Variants in TRAF2 observed in about 807,000 individuals in gnomAD.
TRAF2 encodes the protein TNF receptor associated factor 2.
Under a neutral mutation model 55.6 loss-of-function variants are expected in TRAF2, and 6 were observed. The observed-to-expected ratio is 0.11, with a 90% CI of 0.06 to 0.21. TRAF2 has a LOEUF of 0.21. Among genes scored for constraint, TRAF2 ranks in the 10% least tolerant of loss-of-function variants. The pLI, the probability that TRAF2 is intolerant of heterozygous loss-of-function variation, is 1.00. For missense variants in TRAF2, 561 were observed against 684.5 expected (o/e 0.82, Z 2.01); for synonymous variants, 329 against 276.3 (o/e 1.19, Z -1.89).
chr9:136,909,907 CCTT>C lies in TRAF2; in HGVS notation c.529-9_529-7del, dbSNP rs753965418. On this transcript the variant is annotated splice_polypyrimidine_tract_variant and intron_variant, in intron 5 of 10. Transcript: ENST00000247668. ...GGCGTCCACCCTCACACTCCTGATC[CCTT>C]CTTTTGAAGGCGCACCACGAGGTCT... 24 of 1,614,118 alleles carry C rather than the reference CCTT, an allele frequency of 1.5e-5. No homozygotes were observed. The East Asian group carries it at 4.5e-4, about 30-fold the overall frequency.
chr9:136,882,224 CAT>C (rs1849383172), upstream of TRAF2, among the ~76,000 whole-genome samples: 2 of 152,218 alleles, frequency 1.3e-5, no homozygotes, highest in African/African-American at 2.4e-5. Flanking sequence ...GGAAGCCAAG[CAT>C]CCACAGAGCC....
chr9:136,916,567 C>T lies in TRAF2; in HGVS notation c.630C>T (p.Gly210=), dbSNP rs1850246736. The T allele has an allele frequency of 1.9e-6, 3 of 1,613,958 alleles. No individual in the cohort carries two copies. Among genetic ancestry groups the T allele is most frequent in the South Asian group, 1.1e-5 (1 of 91,090 alleles). The change falls in exon 7 of 11, where the codon GGC becomes GGT. Residue 210 remains glycine, a synonymous_variant. Coordinates refer to ENST00000247668, the MANE Select transcript of TRAF2 (RefSeq NM_021138.4). ...EKFQDHVKTC[G]KCRVPCRFHA... is the part of the protein sequence containing the mutation. The stretch of plus-strand genomic sequence containing the variant: ...TTCAGGACCACGTCAAGACTTGTGG[C>T]AAGTGTCGAGTCCCTTGCAGATTCC...
chr9:136,917,347 A>AC (rs1329762762), intron 7 of TRAF2, among the ~76,000 whole-genome samples: 1 of 151,892 alleles, frequency 6.6e-6, no homozygotes, highest in African/African-American at 2.4e-5. Flanking sequence ...ACTTGTGCCC[A>AC]CCCCAGGCAC....
intron 8 of TRAF2, 125 bp downstream of exon 8, chr9:136,920,640 A>C (rs2131330264): frequency 7.7e-7 from 1 of 1,299,394 alleles, no homozygotes; most frequent in Middle Eastern, 2.5e-4. Flanking sequence ...TCCATCTGCA[A>C]ACCCCAGTCC....
chr9:136,895,306 C>T (rs960478520), intron 1 of TRAF2, among the ~76,000 whole-genome samples: 1 of 152,120 alleles, frequency 6.6e-6, no homozygotes, highest in African/African-American at 2.4e-5. Flanking sequence ...GTGGGTGGGT[C>T]CATGCTGCTT....
chr9:136,895,612 T>C (rs1486502559), intron 1 of TRAF2, among the ~76,000 whole-genome samples: 1 of 152,122 alleles, frequency 6.6e-6, no homozygotes, highest in Non-Finnish European at 1.5e-5. Flanking sequence ...CCCAGCACAT[T>C]GGGAGGGCAA....
intron 1 of TRAF2, 65 bp from the exon 2 acceptor site, chr9:136,898,648 G>A (rs1849742295): frequency 6.3e-7 from 1 of 1,585,988 alleles, no homozygotes; most frequent in Non-Finnish European, 8.6e-7. Context: ...GATCACCATT[G>A]GTTTGGTTTT....
chr9:136,920,898 G>A, intron 8 of TRAF2, 140 bp from the exon 9 acceptor site: 2 of 1,064,576 alleles, frequency 1.9e-6, no homozygotes, highest in Non-Finnish European at 2.7e-6. Flanking sequence ...GGGTTCTTGT[G>A]TGCAGGGAGT....
intron 1 of TRAF2, among the ~76,000 whole-genome samples, chr9:136,887,538 G>T (rs1849481679): frequency 6.6e-6 from 1 of 152,216 alleles, no homozygotes; most frequent in African/African-American, 2.4e-5. Context: ...AGCCGGTGAA[G>T]ACGGGGCTCG....
chr9:136,921,161 G>T lies in TRAF2; in HGVS notation c.1084G>T (p.Ala362Ser), dbSNP rs374009362. Reference protein sequence around the residue: ...GVFIWKISDFARKRQEAVAGR... With the variant: ...GVFIWKISDFSRKRQEAVAGR... ...CTTCATCTGGAAGATCTCAGACTTC[G>T]CCAGGAAGCGCCAGGAAGCTGTGGC... The change falls in exon 9 of 11, where the codon GCC (alanine) becomes TCC (serine). Residue 362 changes from alanine (A) to serine (S), a missense_variant. Physicochemically the swap from Ala to Ser is moderately conservative, Grantham distance 99 (BLOSUM62 1). This residue lies in a region of TRAF2 where 135 missense variants were observed against 207.7 expected (regional missense o/e 0.65). Coordinates refer to ENST00000247668, the MANE Select transcript of TRAF2 (RefSeq NM_021138.4). The T allele has an allele frequency of 5.0e-6, 8 of 1,613,928 alleles. No individual in the cohort carries two copies. Among genetic ancestry groups the T allele is most frequent in the South Asian group, 2.2e-5 (2 of 91,090 alleles).
chr9:136,899,335 C>T (rs747566749), intron 2 of TRAF2, among the ~76,000 whole-genome samples: 12 of 152,164 alleles, frequency 7.9e-5, no homozygotes, highest in Admixed American at 7.2e-4. Flanking sequence ...TCGGGAGAGC[C>T]GGCAATACCT....
chr9:136,892,585 C>T (rs1849602969), intron 1 of TRAF2, among the ~76,000 whole-genome samples: 1 of 152,130 alleles, frequency 6.6e-6, no homozygotes, highest in South Asian at 2.1e-4. Context: ...CCTTTTTAAA[C>T]TGTTAGTGGC....
rs950200035 is a variant in TRAF2 at position 136,909,906 on chromosome 9, C to G, written c.529-14C>G. 3.1e-6 allele frequency: 5 copies of G among 1,613,952 alleles called. No individual in the cohort carries two copies. The highest frequency in any genetic ancestry group is 1.1e-5 in the South Asian group (1 of 91,070). On this transcript the variant is annotated splice_polypyrimidine_tract_variant and intron_variant, in intron 5 of 10. Transcript: ENST00000247668. ...TGGCGTCCACCCTCACACTCCTGAT[C>G]CCTTCTTTTGAAGGCGCACCACGAG...
At chr9:136,901,223 G>T (rs558616748) in intron 4 of TRAF2, among the ~76,000 whole-genome samples, 1 of 151,954 alleles carries the variant, frequency 6.6e-6, no homozygotes, top group East Asian at 1.9e-4. Context: ...GAGAGAGCTC[G>T]TCGAGGCCAC....
chr9:136,903,726 G>C (rs1297257467), intron 4 of TRAF2, among the ~76,000 whole-genome samples: 1 of 152,120 alleles, frequency 6.6e-6, no homozygotes, highest in African/African-American at 2.4e-5. Context: ...CTGTCACCCA[G>C]ACTGGAGTGC....
upstream of TRAF2, among the ~76,000 whole-genome samples, chr9:136,883,198 C>G (rs543080715): frequency 1.3e-5 from 2 of 152,054 alleles, no homozygotes; most frequent in African/African-American, 4.8e-5. Flanking sequence ...CTGTGCCAAT[C>G]TTCTGGAAAC....
chr9:136,905,313 C>T (rs954188252), intron 4 of TRAF2, among the ~76,000 whole-genome samples: 4 of 152,228 alleles, frequency 2.6e-5, no homozygotes, highest in African/African-American at 7.2e-5. Flanking sequence ...TCTCTCCTGT[C>T]TCAAAACTTA....
At chr9:136,884,724 A>T (rs1033118932), upstream of TRAF2, among the ~76,000 whole-genome samples, 5 of 151,970 alleles carry the variant, frequency 3.3e-5, no homozygotes, top group African/African-American at 7.3e-5. Flanking sequence ...ACCCAGCTAA[A>T]TTTTTTTTCC....
rs559539913 is a variant in TRAF2 at position 136,905,394 on chromosome 9, G to A, written c.367-2676G>A. On this transcript the variant is annotated intron_variant, in intron 4 of 10. Transcript: ENST00000247668. ...GCGTGAATTCACTGACAGAGTCCCC[G>A]GAGTGGTCAAATTGAGAGCCAATAG... is the stretch of plus-strand genomic sequence containing the variant. 1.1e-4 allele frequency among the ~76,000 whole-genome samples: 17 copies of A among 152,268 alleles called. No homozygotes were observed. The South Asian group carries it at 3.3e-3, about 30-fold the overall frequency.
Sources: gnomAD v4.1 joint callset for allele counts (sites outside exome capture counted in the v4.1 genomes callset) on GRCh38, gnomAD v4.1.1 for gene constraint, gnomAD v4.1.1 regional missense constraint, MANE v1.5 for transcripts, NCBI Gene and HGNC (gene_info 2026-07-23, HGNC 2026-07-21) for gene names.